The following EMILIN2 variants were observed in gnomAD, a reference collection of about 807,000 sequenced individuals.
The protein encoded by EMILIN2 is EMILIN-2.
Under a neutral mutation model 87.1 loss-of-function variants are expected in EMILIN2, and 71 were observed. That is an observed-to-expected ratio of 0.82 (90% confidence interval 0.67 to 0.99). The LOEUF (loss-of-function observed/expected upper bound fraction) is 0.99. Ranked by LOEUF, EMILIN2 falls within the 50% of genes least tolerant of loss-of-function variation. The probability of loss-of-function intolerance (pLI) is 0.00; values close to 1 mark genes in which losing one functional copy is unlikely to be tolerated. For missense variants in EMILIN2, 1,407 were observed against 1,371.8 expected, an observed-to-expected ratio of 1.03 and a Z score of -0.40; for synonymous variants, 581 against 563.4, an observed-to-expected ratio of 1.03 and a Z score of -0.44.
upstream of EMILIN2, chr18:2,846,998 G>C (rs2076577301): frequency 2.0e-6 from 2 of 1,024,994 alleles, no homozygotes; most frequent in Non-Finnish European, 1.2e-6. This position sits in a 1 kb window ranked among gnomAD's most constrained non-coding sequence, Gnocchi z 5.3. Context: ...CAGGGCGCAC[G>C]GGGCTGCAGA....
chr18:2,913,044 A>C, intron 7 of EMILIN2, 23 bp from the exon 8 acceptor site: 1 of 1,603,870 alleles, frequency 6.2e-7, no homozygotes, highest in Non-Finnish European at 8.5e-7. Flanking sequence ...AGGTGAGCAC[A>C]GGGTTTGCCT....
At position 2,890,562 on chromosome 18, in the gene EMILIN2, T is replaced by C. The variant is rs35164564; in HGVS notation, c.435T>C (p.Asp145=). Residue 145 remains aspartate, a splice_region_variant and synonymous_variant, in exon 4 of 8, where the codon GAT becomes GAC. Coordinates refer to ENST00000254528, the MANE Select transcript of EMILIN2 (RefSeq NM_032048.3). The surrounding 1 kb of genome is among the most constrained non-coding windows in gnomAD (Gnocchi z 4.7). The stretch of plus-strand genomic sequence containing the variant: ...TGTCCAACTTTATCTTTGTAACAGA[T>C]AATGAACCCAGCCAATTCTCAGAGC... ...RPRNSLKKAT[D]NEPSQFSEPR... 1,501 of 1,561,270 alleles carry C rather than the reference T, an allele frequency of 9.6e-4. 4 individuals are homozygous for C. The highest frequency in any genetic ancestry group is 1.2e-3 in the Non-Finnish European group (1,437 of 1,151,122).
In EMILIN2 at chr18:2,879,744, G is replaced by A. The variant is rs1039027510; in HGVS notation, c.258-5220G>A. On this transcript the variant is annotated intron_variant, in intron 2 of 7. Coordinates refer to ENST00000254528, the MANE Select transcript of EMILIN2 (RefSeq NM_032048.3). ...TATTTTTTGAGGTATGGTCTCTGTC[G>A]CCCAGGCTGGAGTGCAATGGGTGTG... Among the ~76,000 whole-genome samples the A allele has an allele frequency of 9.3e-5, 14 of 151,162 alleles. 1 individual carries two copies. Among genetic ancestry groups the A allele is most frequent in the South Asian group, 6.3e-4 (3 of 4,760 alleles).
chr18:2,905,857 C>T (rs1406165179), intron 4 of EMILIN2, among the ~76,000 whole-genome samples: 1 of 150,172 alleles, frequency 6.7e-6, no homozygotes, highest in Non-Finnish European at 1.5e-5. Context: ...TTTGGGGGCT[C>T]AAGTGATCCG....
chr18:2,874,758 T>C (rs944311394), intron 2 of EMILIN2, among the ~76,000 whole-genome samples: 2 of 149,720 alleles, frequency 1.3e-5, no homozygotes, highest in African/African-American at 4.9e-5. Flanking sequence ...TGTTCCTGTG[T>C]TTTCAAATCT....
In EMILIN2 at chr18:2,848,086, GCACCGGC is replaced by G. The variant is rs1307285982; in HGVS notation, c.257+159_257+165del. Among the ~76,000 whole-genome samples, 1 of 152,206 alleles carries G rather than the reference GCACCGGC, an allele frequency of 6.6e-6. No individual in the cohort carries two copies. Among genetic ancestry groups the G allele is most frequent in the East Asian group, 1.9e-4 (1 of 5,180 alleles). ...GAAAAGCGCTCCGAGCGCTCGCGGG[GCACCGGC>G]CACGCTGGGCTATTTAGGGAGTGGG... On this transcript the variant is annotated intron_variant, in intron 2 of 7. Transcript: ENST00000254528. The surrounding 1 kb of genome is among the most constrained non-coding windows in gnomAD (Gnocchi z 4.1).
rs546751469 is a variant in EMILIN2, at chr18:2,885,431, A to G, written c.433+292A>G. Among the ~76,000 whole-genome samples, 59 of 152,302 alleles carry G rather than the reference A, an allele frequency of 3.9e-4. 1 individual carries two copies. The South Asian group carries it at 7.0e-3, about 18-fold the overall frequency. On this transcript the variant is annotated intron_variant, in intron 3 of 7. Coordinates refer to ENST00000254528, the MANE Select transcript of EMILIN2 (RefSeq NM_032048.3). ...GTTCAGACTTGTGTCACCTGGAGGC[A>G]CAGCTGTGAAGAGATTCAGATGTAA...
intron 3 of EMILIN2, among the ~76,000 whole-genome samples, chr18:2,886,106 G>A (rs1014534273): frequency 2.0e-5 from 3 of 152,102 alleles, no homozygotes; most frequent in Non-Finnish European, 4.4e-5. Flanking sequence ...TCCTATGTCT[G>A]TACATTGATT....
intron 2 of EMILIN2, among the ~76,000 whole-genome samples, chr18:2,861,495 T>C (rs1293966006): frequency 6.6e-6 from 1 of 152,244 alleles, no homozygotes; most frequent in Non-Finnish European, 1.5e-5. Context: ...AGGGAATCCT[T>C]TCCCCATTGC....
At position 2,880,500 on chromosome 18, in the gene EMILIN2, C is replaced by A. The variant is rs559539867; in HGVS notation, c.258-4464C>A. 3.7e-4 allele frequency among the ~76,000 whole-genome samples: 56 copies of A among 152,314 alleles called. No individual in the cohort carries two copies. The highest frequency in any genetic ancestry group is 1.2e-3 in the African/African-American group (51 of 41,564). On this transcript the variant is annotated intron_variant, in intron 2 of 7. Transcript: ENST00000254528. The surrounding 1 kb of genome is among the most constrained non-coding windows in gnomAD (Gnocchi z 4.1). ...TTACAGCCCCAAGGGCCGCCCCCGC[C>A]CATACCCAAGGCACCTGTGGACGGG... is the stretch of plus-strand genomic sequence containing the variant.
chr18:2,866,381 T>C (rs972137173), intron 2 of EMILIN2, among the ~76,000 whole-genome samples: 8 of 152,248 alleles, frequency 5.3e-5, no homozygotes, highest in African/African-American at 1.7e-4. Flanking sequence ...TAGTTTTCCT[T>C]GTGGAGGTCT....
At chr18:2,883,593 G>T (rs2076788197) in intron 2 of EMILIN2, among the ~76,000 whole-genome samples, 1 of 152,210 alleles carries the variant, frequency 6.6e-6, no homozygotes, top group Non-Finnish European at 1.5e-5. Context: ...CCGCTGCGGG[G>T]GCTGAACTCC....
intron 2 of EMILIN2, among the ~76,000 whole-genome samples, chr18:2,874,228 G>A (rs561604314): frequency 3.3e-5 from 5 of 151,704 alleles, no homozygotes; most frequent in Non-Finnish European, 5.9e-5. Flanking sequence ...TCTTGTTGTT[G>A]TTTTTTTTAA....
chr18:2,909,631 C>G (rs2076931445), intron 6 of EMILIN2, 60 bp from the exon 7 acceptor site: 1 of 1,584,628 alleles, frequency 6.3e-7, no homozygotes, highest in Non-Finnish European at 8.6e-7. Flanking sequence ...GTTTTCCAGG[C>G]CCTCCCCCTG....
At chr18:2,881,795 C>A (rs756023847) in intron 2 of EMILIN2, among the ~76,000 whole-genome samples, 6 of 152,258 alleles carry the variant, frequency 3.9e-5, no homozygotes, top group Non-Finnish European at 2.9e-5. Flanking sequence ...TACTTGAGAA[C>A]GCAAAACAAT....
intron 2 of EMILIN2, among the ~76,000 whole-genome samples, chr18:2,867,888 G>T (rs1267672147): frequency 6.6e-6 from 1 of 151,208 alleles, no homozygotes; most frequent in African/African-American, 2.5e-5. Flanking sequence ...AGTGGGTGGT[G>T]GCCGGGCAGA....
chr18:2,864,044 C>T (rs1434560718), intron 2 of EMILIN2, among the ~76,000 whole-genome samples: 1 of 152,024 alleles, frequency 6.6e-6, no homozygotes, highest in Middle Eastern at 3.2e-3. Flanking sequence ...GATTGCATCC[C>T]CTGCCTTTTT....
intron 4 of EMILIN2, among the ~76,000 whole-genome samples, chr18:2,905,620 T>G (rs1391549924): frequency 2.0e-5 from 3 of 151,866 alleles, no homozygotes; most frequent in Non-Finnish European, 4.4e-5. Context: ...ATCAACCACC[T>G]CCACTGCCCT....
In EMILIN2 at chr18:2,891,802, G is replaced by A. The variant is rs1425156142; in HGVS notation, c.1675G>A (p.Gly559Arg). 1 of 1,614,052 alleles carries A rather than the reference G, an allele frequency of 6.2e-7. No individual in the cohort carries two copies. The highest frequency in any genetic ancestry group is 8.5e-7 in the Non-Finnish European group (1 of 1,180,048). Residue 559 changes from glycine to arginine, a missense_variant, in exon 4 of 8, where the codon GGA (glycine) becomes AGA (arginine). Transcript: ENST00000254528. The surrounding 1 kb of genome is among the most constrained non-coding windows in gnomAD (Gnocchi z 4.6). ...AGACATTTGCCTGCTGAACATCCAG[G>A]GAAAGCCTCATGGGATGGAAGGTGC... ...VEDICLLNIQ[G>R]KPHGMEGALP... is the part of the protein sequence containing the mutation.
Sources: gnomAD v4.1 joint callset for allele counts (sites outside exome capture counted in the v4.1 genomes callset) on GRCh38, gnomAD v4.1.1 for gene constraint, Gnocchi (gnomAD v3.1) non-coding constraint, MANE v1.5 for transcripts, NCBI Gene and HGNC (gene_info 2026-07-23, HGNC 2026-07-21) for gene names.